KCNB2: variants seen among roughly 807,000 people sequenced by gnomAD.
KCNB2 encodes delayed rectifier potassium channel protein.
A neutral mutation model predicts 61.5 loss-of-function variants in KCNB2; 15 were observed. The ratio of observed to expected loss-of-function variants is 0.24; its 90% CI spans 0.16 to 0.38. The LOEUF is 0.38. KCNB2 is among the 10% of genes least tolerant of loss of function. The pLI is 1.00. For synonymous variants in KCNB2, 457 were observed against 446.0 expected (o/e 1.02, Z -0.31); for missense variants, 828 against 1,125.2 (o/e 0.74, Z 3.78).
chr8:72,887,499 G>C (rs1805825538), intron 2 of KCNB2, among the ~76,000 whole-genome samples: 1 of 152,134 alleles, frequency 6.6e-6, no homozygotes, highest in Admixed American at 6.5e-5. Flanking sequence ...CAGAAGATGG[G>C]CCCAGTCTCT....
intron 2 of KCNB2, among the ~76,000 whole-genome samples, chr8:72,754,236 A>G (rs1808247997): frequency 1.3e-5 from 2 of 152,196 alleles, no homozygotes; most frequent in South Asian, 2.1e-4. Context: ...TCATTTTCCT[A>G]TGGAATTTCG....
rs546898867 is a variant in KCNB2, at chr8:72,715,695, C to A, written c.579+147382C>A. Reference sequence around the variant, plus strand: ...AGGGAAATTTATAGCACTAAGTGCCCACAAGAGAAAGCAGGAAAGATCTAA... The same window carrying A: ...AGGGAAATTTATAGCACTAAGTGCCAACAAGAGAAAGCAGGAAAGATCTAA... On this transcript the variant is annotated intron_variant, in intron 2 of 2. Transcript: ENST00000523207. Among the ~76,000 whole-genome samples the A allele has an allele frequency of 4.0e-5, 6 of 151,822 alleles. No homozygotes were observed. In the East Asian group the frequency reaches 7.7e-4, roughly 20 times the overall value.
intron 2 of KCNB2, among the ~76,000 whole-genome samples, chr8:72,783,807 C>A (rs181219085): frequency 1.3e-5 from 2 of 152,142 alleles, no homozygotes; most frequent in South Asian, 4.1e-4. Context: ...AAACTTACAT[C>A]TAGTCACACA....
intron 2 of KCNB2, among the ~76,000 whole-genome samples, chr8:72,665,936 G>A (rs960198348): frequency 1.3e-5 from 2 of 152,168 alleles, no homozygotes; most frequent in Admixed American, 1.3e-4. Flanking sequence ...CAAATGAGGC[G>A]GGTGGAGTTG....
chr8:72,760,400 A>G (rs1470475375), intron 2 of KCNB2, among the ~76,000 whole-genome samples: 1 of 152,206 alleles, frequency 6.6e-6, no homozygotes, highest in African/African-American at 2.4e-5. Flanking sequence ...AACAACTGAA[A>G]TCATGTAGGC....
chr8:72,574,344 C>T (rs1359787213), intron 2 of KCNB2, among the ~76,000 whole-genome samples: 1 of 152,192 alleles, frequency 6.6e-6, no homozygotes, highest in African/African-American at 2.4e-5. Flanking sequence ...CTCATACCCC[C>T]ACATCCCATT....
intron 2 of KCNB2, among the ~76,000 whole-genome samples, chr8:72,674,336 G>A (rs1806615448): frequency 6.6e-6 from 1 of 152,058 alleles, no homozygotes; most frequent in Non-Finnish European, 1.5e-5. Flanking sequence ...CTTCATTTTG[G>A]TTTGCTAAAC....
At chr8:72,893,049 G>A (rs948364137) in intron 2 of KCNB2, among the ~76,000 whole-genome samples, 1 of 151,454 alleles carries the variant, frequency 6.6e-6, no homozygotes, top group South Asian at 2.1e-4. Flanking sequence ...GTGAATATGT[G>A]TGATTTAGAT....
At chr8:72,668,743 AT>A (rs1292525523) in intron 2 of KCNB2, among the ~76,000 whole-genome samples, 1 of 151,896 alleles carries the variant, frequency 6.6e-6, no homozygotes, top group Non-Finnish European at 1.5e-5. Context: ...TTGAGTCATG[AT>A]TATGTTTGTG....
chr8:72,914,458 G>A (rs1806355817), intron 2 of KCNB2, among the ~76,000 whole-genome samples: 1 of 152,168 alleles, frequency 6.6e-6, no homozygotes, highest in African/African-American at 2.4e-5. Context: ...GCTTACTTAT[G>A]ATTGAAAACT....
intron 2 of KCNB2, chr8:72,749,541 C>T (rs932424858): frequency 6.6e-6 from 1 of 151,626 alleles, no homozygotes; most frequent in African/African-American, 2.4e-5. Context: ...CCCATCTCAG[C>T]AAAGGAACAA....
chr8:72,626,248 A>G (rs1413411637), intron 2 of KCNB2, among the ~76,000 whole-genome samples: 1 of 152,184 alleles, frequency 6.6e-6, no homozygotes, highest in Non-Finnish European at 1.5e-5. Context: ...CCCAGAATAC[A>G]CAGGCCACAG....
intron 2 of KCNB2, among the ~76,000 whole-genome samples, chr8:72,864,453 A>T (rs1046355167): frequency 6.6e-6 from 1 of 152,232 alleles, no homozygotes; most frequent in Admixed American, 6.5e-5. Context: ...CAAAAACCAA[A>T]GCAAAAAACC....
At position 72,936,714 on chromosome 8, in the gene KCNB2, C is replaced by T. The variant is rs762702918; in HGVS notation, c.1359C>T (p.Asn453=). 7 of 1,614,168 alleles carry T rather than the reference C, an allele frequency of 4.3e-6. No individual in the cohort carries two copies. In the South Asian group the frequency reaches 4.4e-5, roughly 10 times the overall value. ...GGAACGGAAGCATCGTTTCTATGAA[C>T]TTAAAAGATGCCTTCGCTCGAAGTA... The part of the protein sequence containing the change: ...AKRNGSIVSM[N]LKDAFARSME... Residue 453 remains asparagine (N), a synonymous_variant, in exon 3 of 3, where the codon AAC becomes AAT. Coordinates refer to ENST00000523207, the MANE Select transcript of KCNB2 (RefSeq NM_004770.3). This position sits in a 1 kb window ranked among gnomAD's most constrained non-coding sequence, Gnocchi z 5.6.
intron 2 of KCNB2, among the ~76,000 whole-genome samples, chr8:72,635,840 CT>C (rs1485237696): frequency 6.6e-6 from 1 of 152,166 alleles, no homozygotes; most frequent in Non-Finnish European, 1.5e-5. Context: ...TGCTCTGCGG[CT>C]TGGTGGCCAA....
In KCNB2 at chr8:72,630,832, A is replaced by G. The variant is rs534809987; in HGVS notation, c.579+62519A>G. ...TGGTAAAAGGGGAGAAAGAAGATAC[A>G]TCAGGACACCCCTTGATAAACCTAA... On this transcript the variant is annotated intron_variant, in intron 2 of 2. Coordinates refer to ENST00000523207, the MANE Select transcript of KCNB2 (RefSeq NM_004770.3). Among the ~76,000 whole-genome samples the G allele has an allele frequency of 3.9e-5, 6 of 152,296 alleles. No individual in the cohort carries two copies. In the South Asian group the frequency reaches 1.2e-3, roughly 32 times the overall value.
chr8:72,717,525 C>T (rs561360391), intron 2 of KCNB2, among the ~76,000 whole-genome samples: 6 of 152,116 alleles, frequency 3.9e-5, no homozygotes, highest in South Asian at 2.1e-4. Flanking sequence ...TACAAGTATT[C>T]GATCTTTGAC....
At chr8:72,692,203 T>C (rs2128990197) in intron 2 of KCNB2, among the ~76,000 whole-genome samples, 1 of 128,202 alleles carries the variant, frequency 7.8e-6, no homozygotes, top group East Asian at 2.3e-4. Context: ...GCCACTGCAC[T>C]CCAGCCTGGG....
At chr8:72,913,727 G>T (rs985697037) in intron 2 of KCNB2, among the ~76,000 whole-genome samples, 1 of 152,222 alleles carries the variant, frequency 6.6e-6, no homozygotes, top group African/African-American at 2.4e-5. Context: ...CCAGTCTGGA[G>T]TTCCAGGATC....
Sources: allele counts gnomAD v4.1 joint callset (sites outside exome capture counted in the v4.1 genomes callset), GRCh38; gene constraint gnomAD v4.1.1; non-coding constraint Gnocchi (gnomAD v3.1); transcripts MANE v1.5; gene names NCBI Gene and HGNC (gene_info 2026-07-23, HGNC 2026-07-21).